The following CFAP299 variants were observed in gnomAD, a reference collection of about 807,000 sequenced individuals.
The protein encoded by CFAP299 is cilia and flagella associated protein 299.
Under a neutral mutation model 27.0 loss-of-function variants are expected in CFAP299, and 21 were observed. The ratio of observed to expected loss-of-function variants is 0.78; its 90% CI spans 0.55 to 1.12. The LOEUF is 1.12. Ranked by LOEUF, CFAP299 falls within the 50% of genes most tolerant of loss-of-function variation. CFAP299 has a pLI of 0.00. For synonymous variants in CFAP299, 104 were observed against 98.1 expected (o/e 1.06, Z -0.36); for missense variants, 310 against 276.6 (o/e 1.12, Z -0.86).
At chr4:80,701,446 CTT>C (rs1219925103) in intron 3 of CFAP299, among the ~76,000 whole-genome samples, 1 of 151,924 alleles carries the variant, frequency 6.6e-6, no homozygotes, top group Non-Finnish European at 1.5e-5. Context: ...TGCTAAGACT[CTT>C]TTGGCAAGGA....
At chr4:80,386,512 T>G (rs1314794759) in intron 2 of CFAP299, 5 of 1,469,866 alleles carry the variant, frequency 3.4e-6, no homozygotes, top group African/African-American at 3.0e-5. Context: ...CGGGCGGTGG[T>G]GGGGGGGGGG....
intron 3 of CFAP299, among the ~76,000 whole-genome samples, chr4:80,727,941 A>T (rs1480079788): frequency 6.6e-6 from 1 of 151,882 alleles, no homozygotes; most frequent in Non-Finnish European, 1.5e-5. Context: ...GCTTATAAAT[A>T]TATTAATATA....
chr4:80,324,555 C>A, the CFAP299 span, among the ~76,000 whole-genome samples: 1 of 152,104 alleles, frequency 6.6e-6, no homozygotes, highest in Non-Finnish European at 1.5e-5. Context: ...CATTTTAAAG[C>A]TTTGGTCCTT....
At chr4:80,850,763 A>C (rs981700984) in intron 3 of CFAP299, among the ~76,000 whole-genome samples, 3 of 152,112 alleles carry the variant, frequency 2.0e-5, no homozygotes, top group African/African-American at 7.2e-5. Flanking sequence ...GAAAATGGAT[A>C]GAGTGAGGAA....
At chr4:80,699,503 G>A (rs565855067) in intron 3 of CFAP299, among the ~76,000 whole-genome samples, 1 of 152,162 alleles carries the variant, frequency 6.6e-6, no homozygotes, top group Non-Finnish European at 1.5e-5. Context: ...GACACATTCT[G>A]TGGCAAAATG....
At chr4:80,822,895 AT>A (rs1729781727) in intron 3 of CFAP299, among the ~76,000 whole-genome samples, 1 of 152,062 alleles carries the variant, frequency 6.6e-6, no homozygotes, top group Non-Finnish European at 1.5e-5. Flanking sequence ...ATATTGAAAT[AT>A]TTTGTTTTTG....
intron 2 of CFAP299, chr4:80,388,492 C>T (rs191093717): frequency 2.6e-5 from 36 of 1,375,286 alleles, no homozygotes; most frequent in Non-Finnish European, 7.2e-6. Flanking sequence ...TTCTTTGGCA[C>T]TGTTCCCGCT....
At chr4:80,622,614 C>T (rs1247173282) in intron 3 of CFAP299, among the ~76,000 whole-genome samples, 1 of 152,086 alleles carries the variant, frequency 6.6e-6, no homozygotes, top group Non-Finnish European at 1.5e-5. Flanking sequence ...ATTTCTCACT[C>T]AGATAGCAAA....
chr4:80,928,092 G>A lies in CFAP299; in HGVS notation c.477-16718G>A, dbSNP rs73831208. Reference sequence around the variant, plus strand: ...TGATCTCTCTCCAGATACAGCAACAGAGAAGGAAGCGTCTCTCCCCCAGCG... The same window carrying A: ...TGATCTCTCTCCAGATACAGCAACAAAGAAGGAAGCGTCTCTCCCCCAGCG... On this transcript the variant is annotated intron_variant, in intron 4 of 5. Transcript: ENST00000358105. 7.7e-3 allele frequency among the ~76,000 whole-genome samples: 1,174 copies of A among 152,224 alleles called. 3 individuals are homozygous for A. The highest frequency in any genetic ancestry group is 0.014 in the Middle Eastern group (4 of 294).
chr4:80,798,831 G>T (rs961139199), intron 3 of CFAP299, among the ~76,000 whole-genome samples: 1 of 151,708 alleles, frequency 6.6e-6, no homozygotes, highest in African/African-American at 2.4e-5. Context: ...TGCCTCTCAC[G>T]AGCAGTGAAT....
At chr4:80,951,218 C>T (rs1196058346) in intron 5 of CFAP299, among the ~76,000 whole-genome samples, 1 of 152,040 alleles carries the variant, frequency 6.6e-6, no homozygotes, top group African/African-American at 2.4e-5. Context: ...AACTAAAAGA[C>T]ATGTGAAAAG....
intron 3 of CFAP299, among the ~76,000 whole-genome samples, chr4:80,854,371 C>T (rs766311123): frequency 6.0e-5 from 9 of 150,858 alleles, no homozygotes; most frequent in South Asian, 2.1e-4. Context: ...AGCAGACATG[C>T]GGGACTGTAA....
intron 4 of CFAP299, among the ~76,000 whole-genome samples, chr4:80,916,293 A>ATATATATATATTTATT (rs1735760867): frequency 7.9e-6 from 1 of 126,646 alleles, no homozygotes; most frequent in African/African-American, 3.2e-5. Context: ...ATATATATAT[A>ATATATATATATTTATT]TATTTCAGGT....
At chr4:80,565,950 C>T (rs902124544) in intron 2 of CFAP299, among the ~76,000 whole-genome samples, 2 of 152,018 alleles carry the variant, frequency 1.3e-5, no homozygotes, top group Admixed American at 1.3e-4. Context: ...CTTAGGGTCT[C>T]ATCACTCTTT....
intron 2 of CFAP299, among the ~76,000 whole-genome samples, chr4:80,381,265 C>T (rs1008877263): frequency 1.3e-5 from 2 of 151,768 alleles, no homozygotes; most frequent in East Asian, 3.9e-4. Context: ...TATTTTTGGC[C>T]CTATAGATTT....
intron 3 of CFAP299, among the ~76,000 whole-genome samples, chr4:80,626,688 G>A (rs1366887983): frequency 1.3e-5 from 2 of 151,594 alleles, no homozygotes; most frequent in Non-Finnish European, 3.0e-5. Flanking sequence ...TATTACAATT[G>A]ACACAACAGA....
At chr4:80,842,876 A>T (rs1250220609) in intron 3 of CFAP299, among the ~76,000 whole-genome samples, 1 of 152,034 alleles carries the variant, frequency 6.6e-6, no homozygotes. Context: ...ATTCTTGCTA[A>T]CTCCAATCTT....
At chr4:80,630,141 T>C (rs1163593999) in intron 3 of CFAP299, among the ~76,000 whole-genome samples, 1 of 152,116 alleles carries the variant, frequency 6.6e-6, no homozygotes, top group Non-Finnish European at 1.5e-5. Flanking sequence ...GATAATGAGA[T>C]TGAAAGGCTC....
At chr4:80,845,754 A>T (rs1233241865) in intron 3 of CFAP299, among the ~76,000 whole-genome samples, 1 of 152,146 alleles carries the variant, frequency 6.6e-6, no homozygotes, top group Non-Finnish European at 1.5e-5. Context: ...TCTGCCTATA[A>T]TGTTGGTTTT....
Sources: gnomAD v4.1 joint callset for allele counts (sites outside exome capture counted in the v4.1 genomes callset) on GRCh38, gnomAD v4.1.1 for gene constraint, MANE v1.5 for transcripts, NCBI Gene and HGNC (gene_info 2026-07-23, HGNC 2026-07-21) for gene names.